Variants in RBFOX1 observed in about 807,000 individuals in gnomAD.
RBFOX1 encodes RNA binding protein fox-1 homolog 1.
A neutral mutation model predicts 57.7 loss-of-function variants in RBFOX1; 8 were observed. That is an observed-to-expected ratio of 0.14 (90% CI 0.08 to 0.25). The LOEUF (loss-of-function observed/expected upper bound fraction) is 0.25. RBFOX1 is among the 10% of genes least tolerant of loss of function. RBFOX1 has a pLI of 1.00. For missense variants in RBFOX1, 611 were observed against 548.5 expected, an observed-to-expected ratio of 1.11 and a Z score of -1.14; for synonymous variants, 326 against 222.4, an observed-to-expected ratio of 1.47 and a Z score of -4.15.
chr16:5,285,330 T>C (rs2063366265), intron 1 of RBFOX1, among the ~76,000 whole-genome samples: 1 of 151,892 alleles, frequency 6.6e-6, no homozygotes, highest in African/African-American at 2.4e-5. Flanking sequence ...CTGTCTCTGT[T>C]GAATTTCTCA....
chr16:6,071,646 A>G (rs1202292396), intron 1 of RBFOX1, among the ~76,000 whole-genome samples: 1 of 152,310 alleles, frequency 6.6e-6, no homozygotes, highest in South Asian at 2.1e-4. Context: ...GCATAATATG[A>G]TATTGTTGAC....
intron 4 of RBFOX1, among the ~76,000 whole-genome samples, chr16:7,373,662 G>A (rs2097620854): frequency 6.6e-6 from 1 of 151,822 alleles, no homozygotes; most frequent in Non-Finnish European, 1.5e-5. Flanking sequence ...AAGAAGTGGT[G>A]TCTGACCTGT....
intron 3 of RBFOX1, among the ~76,000 whole-genome samples, chr16:5,690,529 A>G (rs10459825): frequency 0.23 from 34,783 of 151,740 alleles, 5,472 homozygotes; most frequent in East Asian, 0.81. Context: ...CACTCAGTCC[A>G]TACAACACTC....
chr16:6,779,995 A>G (rs1174387895), intron 3 of RBFOX1, among the ~76,000 whole-genome samples: 2 of 40,412 alleles, frequency 4.9e-5, no homozygotes, highest in African/African-American at 2.5e-4. Context: ...ATATTTATAT[A>G]TTTATATATA....
intron 3 of RBFOX1, among the ~76,000 whole-genome samples, chr16:5,813,684 A>G (rs1031106970): frequency 1.3e-5 from 2 of 152,224 alleles, no homozygotes; most frequent in South Asian, 2.1e-4. Flanking sequence ...CAAATAGTTT[A>G]TCTGTATCAT....
chr16:7,671,659 C>G (rs1054197404), intron 13 of RBFOX1: 2 of 1,446,334 alleles, frequency 1.4e-6, no homozygotes, highest in Non-Finnish European at 1.9e-6. Flanking sequence ...GCTGTGAAAT[C>G]CTTACTAACA....
At chr16:6,013,013 C>T (rs1174011876) in intron 4 of RBFOX1, among the ~76,000 whole-genome samples, 1 of 152,066 alleles carries the variant, frequency 6.6e-6, no homozygotes. Context: ...ACTGCACTGT[C>T]CATTGTATTA....
intron 4 of RBFOX1, among the ~76,000 whole-genome samples, chr16:7,414,544 A>G (rs1005117135): frequency 2.6e-5 from 4 of 152,220 alleles, no homozygotes; most frequent in Non-Finnish European, 5.9e-5. Flanking sequence ...TTTCCAACCA[A>G]TATAGTAGGA....
chr16:6,374,553 A>C (rs2090920567), intron 2 of RBFOX1, among the ~76,000 whole-genome samples: 1 of 152,172 alleles, frequency 6.6e-6, no homozygotes, highest in African/African-American at 2.4e-5. Context: ...TCGTAATTGA[A>C]CCTTAGAAGA....
At chr16:5,764,203 A>G (rs890097560) in intron 3 of RBFOX1, among the ~76,000 whole-genome samples, 5 of 152,228 alleles carry the variant, frequency 3.3e-5, no homozygotes, top group African/African-American at 1.2e-4. Context: ...CTCACAGCCA[A>G]TGTCATCTGG....
At chr16:5,328,155 G>C (rs1241536877) in intron 1 of RBFOX1, among the ~76,000 whole-genome samples, 1 of 152,148 alleles carries the variant, frequency 6.6e-6, no homozygotes, top group East Asian at 1.9e-4. Flanking sequence ...AAATTCATAT[G>C]TTGAAGCCCT....
chr16:6,416,611 T>C (rs961003807), intron 2 of RBFOX1, among the ~76,000 whole-genome samples: 1 of 152,088 alleles, frequency 6.6e-6, no homozygotes, highest in African/African-American at 2.4e-5. Context: ...GTAAATTTTA[T>C]GTCCTCAGTA....
intron 3 of RBFOX1, among the ~76,000 whole-genome samples, chr16:7,042,870 G>C (rs1039356676): frequency 2.6e-5 from 4 of 152,188 alleles, no homozygotes; most frequent in African/African-American, 9.7e-5. Context: ...AGGTTTCAGT[G>C]AGCTGAGATT....
intron 3 of RBFOX1, among the ~76,000 whole-genome samples, chr16:6,734,985 T>C (rs983777657): frequency 1.3e-5 from 2 of 152,112 alleles, no homozygotes; most frequent in Non-Finnish European, 2.9e-5. Flanking sequence ...ATAATTTTTT[T>C]TTAAAGTAGC....
intron 3 of RBFOX1, among the ~76,000 whole-genome samples, chr16:5,795,808 C>T (rs535394664): frequency 2.6e-5 from 4 of 152,300 alleles, no homozygotes; most frequent in Admixed American, 2.0e-4. Context: ...CTTCTGTTTA[C>T]ATTCATTGGG....
chr16:5,997,848 T>C (rs1170036539), intron 4 of RBFOX1, among the ~76,000 whole-genome samples: 1 of 150,864 alleles, frequency 6.6e-6, no homozygotes, highest in Admixed American at 6.7e-5. Context: ...TTAGTTTACT[T>C]TACTTTTTTT....
chr16:7,396,519 C>G (rs2098141526), intron 4 of RBFOX1, among the ~76,000 whole-genome samples: 1 of 152,228 alleles, frequency 6.6e-6, no homozygotes, highest in South Asian at 2.1e-4. Context: ...GACACAGTCA[C>G]TCAGAGTAGC....
At chr16:7,208,088 C>T (rs1390652704) in intron 4 of RBFOX1, among the ~76,000 whole-genome samples, 2 of 152,176 alleles carry the variant, frequency 1.3e-5, no homozygotes, top group East Asian at 1.9e-4. Context: ...GAAGCAAGAG[C>T]AACTTTGGTG....
chr16:6,686,058 G>C (rs971711418), intron 3 of RBFOX1, among the ~76,000 whole-genome samples: 6 of 152,124 alleles, frequency 3.9e-5, no homozygotes, highest in African/African-American at 1.4e-4. Context: ...CATATGTTTG[G>C]CTGGGCCCAG....
Sources: allele counts gnomAD v4.1 joint callset (sites outside exome capture counted in the v4.1 genomes callset), GRCh38; gene constraint gnomAD v4.1.1; transcripts MANE v1.5; gene names NCBI Gene and HGNC (gene_info 2026-07-23, HGNC 2026-07-21).